Variants in GPA33 observed in about 807,000 individuals in gnomAD.
GPA33 encodes the protein cell surface A33 antigen.
In GPA33, 27 loss-of-function variants were observed where a neutral mutation model predicts 35.6. That is an observed-to-expected ratio of 0.76 (90% CI 0.56 to 1.04). The LOEUF is 1.04. Among genes scored for constraint, GPA33 ranks in the 50% least tolerant of loss-of-function variants. The pLI, the probability that GPA33 is intolerant of heterozygous loss-of-function variation, is 0.00. For synonymous variants in GPA33, 176 were observed against 164.0 expected, an observed-to-expected ratio of 1.07 and a Z score of -0.56; for missense variants, 428 against 411.9, an observed-to-expected ratio of 1.04 and a Z score of -0.34.
chr1:167,069,120 G>A lies in GPA33; in HGVS notation c.217C>T (p.Pro73Ser), dbSNP rs775098389. Reference protein sequence around the residue: ...LTHTERVVIWPFSNKNYIHGE... With the variant: ...LTHTERVVIWSFSNKNYIHGE... Reference sequence around the variant, plus strand: ...TGGATGTAGTTTTTGTTTGAAAACGGCCAGATGACCACCCTTTCCTGGAGA... The same window carrying A: ...TGGATGTAGTTTTTGTTTGAAAACGACCAGATGACCACCCTTTCCTGGAGA... The change falls in exon 3 of 7, where the codon CCG becomes TCG. Residue 73 changes from proline (P) to serine (S), a missense_variant. Coordinates refer to ENST00000367868, the MANE Select transcript of GPA33 (RefSeq NM_005814.3). The A allele has an allele frequency of 5.6e-6, 9 of 1,612,772 alleles. No individual in the cohort carries two copies. In the Admixed American group the frequency reaches 6.7e-5, roughly 12 times the overall value.
chr1:167,076,173 T>A (rs759294917), intron 1 of GPA33, among the ~76,000 whole-genome samples: 74 of 152,174 alleles, frequency 4.9e-4, no homozygotes, highest in Non-Finnish European at 8.4e-4. Flanking sequence ...TATGATGATT[T>A]AAAAAATAAT....
intron 1 of GPA33, among the ~76,000 whole-genome samples, chr1:167,081,855 C>A (rs10918621): frequency 0.26 from 39,720 of 152,136 alleles, 6,041 homozygotes; most frequent in African/African-American, 0.41. Context: ...CTTTACCTGC[C>A]AGGTGTCTAC....
At chr1:167,058,103 G>A (rs1309217908) in intron 4 of GPA33, among the ~76,000 whole-genome samples, 4 of 152,172 alleles carry the variant, frequency 2.6e-5, no homozygotes, top group African/African-American at 9.7e-5. Context: ...GGAGGCTGAG[G>A]CAAAAGAATC....
intron 3 of GPA33, among the ~76,000 whole-genome samples, chr1:167,067,152 T>TGCTTGCTC (rs960669931): frequency 4.6e-5 from 7 of 152,162 alleles, no homozygotes; most frequent in African/African-American, 1.4e-4. Context: ...TTTGTTTGCT[T>TGCTTGCTC]GCTTGCTCGC....
rs1405737210 is a variant in GPA33, at chr1:167,054,200, A to G, written c.*134T>C. 1.4e-5 allele frequency: 17 copies of G among 1,172,974 alleles called. No homozygotes were observed. Among genetic ancestry groups the G allele is most frequent in the Non-Finnish European group, 2.4e-6 (2 of 820,976 alleles). The allele number at this position is 1,172,974 out of a possible 1,614,324, so 72.7% of individuals were successfully genotyped here. A position where few individuals can be genotyped will look rare whatever the true frequency, so the allele number is the denominator to read the frequency against. ...GCCAGCCATGTTCCCCACAGCTGAC[A>G]CTGGGGAAGAAATGTCCCCATCAAT... On this transcript the variant is annotated 3_prime_UTR_variant, in exon 7 of 7. Transcript: ENST00000367868.
At chr1:167,058,531 A>G (rs903399501) in intron 4 of GPA33, 1 of 152,192 alleles carries the variant, frequency 6.6e-6, no homozygotes, top group African/African-American at 2.4e-5. Context: ...TAATTCCATC[A>G]CCTATAAATA....
chr1:167,064,803 C>T (rs1179597649), intron 3 of GPA33, among the ~76,000 whole-genome samples: 4 of 151,930 alleles, frequency 2.6e-5, no homozygotes, highest in Admixed American at 2.6e-4. Flanking sequence ...GCCATAAGCA[C>T]GGGATGATGG....
chr1:167,082,205 A>C (rs1558011244), intron 1 of GPA33: 2 of 454,482 alleles, frequency 4.4e-6, no homozygotes, highest in Non-Finnish European at 8.8e-6. Context: ...GAATATTTCT[A>C]GAAGAAAATA....
In GPA33 at chr1:167,073,444, T is replaced by C; in HGVS notation, c.139A>G (p.Thr47Ala). Reference protein sequence around the residue: ...KSVTLPCTYHTSTSSREGLIQ... With the variant: ...KSVTLPCTYHASTSSREGLIQ... ...AGTCCCTCTCGACTGGAGGTGGAAG[T>C]GTGGTAGGTGCAGGGCAGGGTGACA... Residue 47 changes from threonine to alanine, a missense_variant, in exon 2 of 7, where the codon ACT becomes GCT. By Grantham distance (58) the Thr-to-Ala change is moderately conservative. Coordinates refer to ENST00000367868, the MANE Select transcript of GPA33 (RefSeq NM_005814.3). 6.2e-7 allele frequency: 1 copy of C among 1,613,272 alleles called. No homozygotes were observed. The highest frequency in any genetic ancestry group is 8.5e-7 in the Non-Finnish European group (1 of 1,179,488).
chr1:167,090,265 A>G lies in GPA33; in HGVS notation c.23T>C (p.Val8Ala). 1 of 1,613,712 alleles carries G rather than the reference A, an allele frequency of 6.2e-7. No individual in the cohort carries two copies. Among genetic ancestry groups the G allele is most frequent in the Non-Finnish European group, 8.5e-7 (1 of 1,179,628 alleles). MVGKMWP[V>A]LWTLCAVRVT... ...CTCACCTGCACAGAGTGTCCACAAC[A>G]CAGGCCACATCTTCCCCACCATGGT... Residue 8 changes from valine to alanine, a missense_variant, in exon 1 of 7, where the codon GTG becomes GCG. Physicochemically the swap from Val to Ala is moderately conservative, Grantham distance 64. Coordinates refer to ENST00000367868, the MANE Select transcript of GPA33 (RefSeq NM_005814.3).
At chr1:167,062,686 G>T (rs1035127891) in intron 4 of GPA33, among the ~76,000 whole-genome samples, 1 of 124,844 alleles carries the variant, frequency 8.0e-6, no homozygotes, top group African/African-American at 3.0e-5. Context: ...TGACTGAAAG[G>T]TCCAATACCA....
chr1:167,072,415 G>A (rs561498835), intron 2 of GPA33, among the ~76,000 whole-genome samples: 4 of 152,212 alleles, frequency 2.6e-5, no homozygotes, highest in Non-Finnish European at 4.4e-5. Flanking sequence ...CTGTGTTGGA[G>A]AAATAGGTGT....
At chr1:167,054,868 G>A in intron 6 of GPA33, 108 bp downstream of exon 6, 1 of 1,250,530 alleles carries the variant, frequency 8.0e-7, no homozygotes, top group Non-Finnish European at 1.1e-6. Flanking sequence ...CAAAATGGGG[G>A]TGATATACCC....
At chr1:167,054,943 C>T (rs377334435) in intron 6 of GPA33, 33 bp downstream of exon 6, 311 of 1,612,964 alleles carry the variant, frequency 1.9e-4, no homozygotes, top group Non-Finnish European at 2.4e-4. Context: ...TCTCCCCAGA[C>T]CCTTCCAACA....
Position 167,053,334 on chromosome 1 carries a change from A to G in GPA33, c.*1000T>C, listed in dbSNP as rs970755347. ...AATCAATTCGTGTTTAACTCACTGA[A>G]TGAATACGTGGGTTTGGGTGGGAAT... On this transcript the variant is annotated 3_prime_UTR_variant, in exon 7 of 7. Coordinates refer to ENST00000367868, the MANE Select transcript of GPA33 (RefSeq NM_005814.3). The G allele has an allele frequency of 2.0e-5, 3 of 152,240 alleles. No homozygotes were observed. The highest frequency in any genetic ancestry group is 4.8e-5 in the African/African-American group (2 of 41,470). The allele number at this position is 152,240 out of a possible 1,614,324, so 9.4% of individuals were successfully genotyped here. A position where few individuals can be genotyped will look rare whatever the true frequency, so the allele number is the denominator to read the frequency against.
chr1:167,056,647 T>TGGC (rs1666273908), intron 4 of GPA33, among the ~76,000 whole-genome samples: 2 of 1,040 alleles, frequency 1.9e-3, no homozygotes, highest in African/African-American at 4.6e-3. Flanking sequence ...GTGGTGTGTG[T>TGGC]AGTGTGTGTG....
chr1:167,076,621 T>C (rs548465899), intron 1 of GPA33, among the ~76,000 whole-genome samples: 1 of 152,252 alleles, frequency 6.6e-6, no homozygotes, highest in East Asian at 1.9e-4. Flanking sequence ...CCTCCTGGAA[T>C]GGGCACTGTA....
At chr1:167,062,805 C>CCATAAAA (rs1312794377) in intron 4 of GPA33, among the ~76,000 whole-genome samples, 3 of 151,924 alleles carry the variant, frequency 2.0e-5, no homozygotes, top group African/African-American at 7.3e-5. Flanking sequence ...TTGTGTGGAG[C>CCATAAAA]CATAAAACGG....
At chr1:167,090,196 C>G in intron 1 of GPA33, 49 bp downstream of exon 1, 2 of 1,439,570 alleles carry the variant, frequency 1.4e-6, no homozygotes, top group African/African-American at 1.4e-5. Context: ...CCCTAGGTCC[C>G]CATGTCTCAC....
Sources: allele counts gnomAD v4.1 joint callset (sites outside exome capture counted in the v4.1 genomes callset), GRCh38; gene constraint gnomAD v4.1.1; transcripts MANE v1.5; gene names NCBI Gene and HGNC (gene_info 2026-07-23, HGNC 2026-07-21).